The following PAWR variants were observed in gnomAD, a reference collection of about 807,000 sequenced individuals.
The protein encoded by PAWR is pro-apoptotic WT1 regulator.
In PAWR, 23 loss-of-function variants were observed where a neutral mutation model predicts 32.0. The ratio of observed to expected loss-of-function variants is 0.72; its 90% CI spans 0.52 to 1.02. PAWR has a LOEUF of 1.02. PAWR is among the 50% of genes least tolerant of loss of function. The pLI, the probability that PAWR is intolerant of heterozygous loss-of-function variation, is 0.00. For synonymous variants in PAWR, 226 were observed against 187.1 expected (o/e 1.21, Z -1.70); for missense variants, 457 against 437.7 (o/e 1.04, Z -0.39).
At position 79,588,991 on chromosome 12, in the gene PAWR, AAG is replaced by A. The variant is rs1489821368; in HGVS notation, c.*3614_*3615del. On this transcript the variant is annotated 3_prime_UTR_variant, in exon 7 of 7. Transcript: ENST00000328827. ...TGTTTTCGGCTTAATGTAACAACAA[AAG>A]AAAGTTGTCACACTACCTCTCAGAT... is the stretch of plus-strand genomic sequence containing the variant. 6.6e-6 allele frequency: 1 copy of A among 152,004 alleles called. No individual in the cohort carries two copies. Among genetic ancestry groups the A allele is most frequent in the Non-Finnish European group, 1.5e-5 (1 of 67,910 alleles). The allele number at this position is 152,004 out of a possible 1,614,324, so 9.4% of individuals were successfully genotyped here. A position where few individuals can be genotyped will look rare whatever the true frequency, so the allele number is the denominator to read the frequency against.
rs746724394 is a variant in PAWR, at chr12:79,621,223, A to T, written c.517-16T>A. On this transcript the variant is annotated splice_polypyrimidine_tract_variant and intron_variant, in intron 2 of 6. Coordinates refer to ENST00000328827, the MANE Select transcript of PAWR (RefSeq NM_002583.4). ...CATCTAAGCACTGAAAGAAAAAAAG[A>T]GTTTCCATTTTATTTCTACTATTAA... 3.8e-6 allele frequency: 6 copies of T among 1,581,208 alleles called. No individual in the cohort carries two copies. The highest frequency in any genetic ancestry group is 5.1e-6 in the Non-Finnish European group (6 of 1,167,504).
intron 2 of PAWR, among the ~76,000 whole-genome samples, chr12:79,657,892 A>C (rs1465128936): frequency 6.6e-6 from 1 of 152,214 alleles, no homozygotes; most frequent in Non-Finnish European, 1.5e-5. Context: ...GGAATGTCCA[A>C]AGAATTGGAG....
chr12:79,628,300 C>T (rs913964643), intron 2 of PAWR, among the ~76,000 whole-genome samples: 2 of 152,076 alleles, frequency 1.3e-5, no homozygotes, highest in African/African-American at 4.8e-5. Context: ...CTCTGGGACA[C>T]ATTCAAAGCA....
At chr12:79,657,898 T>A (rs1000933735) in intron 2 of PAWR, among the ~76,000 whole-genome samples, 2 of 151,898 alleles carry the variant, frequency 1.3e-5, no homozygotes, top group African/African-American at 4.8e-5. Flanking sequence ...TCCAAAGAAT[T>A]GGAGGAGAAA....
chr12:79,673,570 T>C (rs972698094), intron 2 of PAWR, among the ~76,000 whole-genome samples: 1 of 152,156 alleles, frequency 6.6e-6, no homozygotes, highest in African/African-American at 2.4e-5. Flanking sequence ...CCTCAGTGAC[T>C]CCGTTACCAG....
chr12:79,685,907 T>G (rs998889805), intron 2 of PAWR, among the ~76,000 whole-genome samples: 3 of 152,180 alleles, frequency 2.0e-5, no homozygotes, highest in African/African-American at 7.2e-5. Flanking sequence ...TACACAAAAA[T>G]GTTTAAAATA....
At position 79,588,708 on chromosome 12, in the gene PAWR, C is replaced by A. The variant is rs945680912; in HGVS notation, c.*3899G>T. The stretch of plus-strand genomic sequence containing the variant: ...GTAACACCTGTAATAGTATTTAATA[C>A]AGCTCCCACATACTATATTCCTCTC... On this transcript the variant is annotated 3_prime_UTR_variant, in exon 7 of 7. Coordinates refer to ENST00000328827, the MANE Select transcript of PAWR (RefSeq NM_002583.4). 7.2e-5 allele frequency: 11 copies of A among 152,018 alleles called. No homozygotes were observed. The highest frequency in any genetic ancestry group is 1.5e-4 in the Non-Finnish European group (10 of 67,870). The allele number at this position is 152,018 out of a possible 1,614,324, so 9.4% of individuals were successfully genotyped here. A position where few individuals can be genotyped will look rare whatever the true frequency, so the allele number is the denominator to read the frequency against.
At chr12:79,679,630 C>T (rs949910152) in intron 2 of PAWR, among the ~76,000 whole-genome samples, 9 of 152,120 alleles carry the variant, frequency 5.9e-5, no homozygotes, top group East Asian at 1.9e-4. Flanking sequence ...ATCCCTGATA[C>T]GGCAGTAGTA....
intron 2 of PAWR, among the ~76,000 whole-genome samples, chr12:79,687,618 C>T (rs962370637): frequency 3.3e-5 from 5 of 151,954 alleles, no homozygotes; most frequent in African/African-American, 1.2e-4. Context: ...ATATGTATGA[C>T]TTTTTAAAAC....
At chr12:79,650,563 A>C (rs1259045483) in intron 2 of PAWR, among the ~76,000 whole-genome samples, 1 of 152,174 alleles carries the variant, frequency 6.6e-6, no homozygotes, top group Admixed American at 6.5e-5. Context: ...TTTTCTCTGT[A>C]AAAACAGATA....
chr12:79,666,084 C>T (rs1877588231), intron 2 of PAWR, among the ~76,000 whole-genome samples: 1 of 152,064 alleles, frequency 6.6e-6, no homozygotes, highest in Non-Finnish European at 1.5e-5. Flanking sequence ...AAATAAGCAA[C>T]CTCTAAGATA....
intron 2 of PAWR, among the ~76,000 whole-genome samples, chr12:79,656,629 G>C (rs939459003): frequency 1.3e-5 from 2 of 152,122 alleles, no homozygotes. Context: ...CTAGCACACA[G>C]GTCTCAAGCT....
intron 2 of PAWR, among the ~76,000 whole-genome samples, chr12:79,664,641 C>G (rs1398673886): frequency 8.8e-6 from 1 of 113,358 alleles, no homozygotes; most frequent in Non-Finnish European, 1.7e-5. Context: ...ATTTTAAGGA[C>G]AAAGTAGACT....
At chr12:79,665,365 G>T (rs1877552868) in intron 2 of PAWR, among the ~76,000 whole-genome samples, 1 of 152,138 alleles carries the variant, frequency 6.6e-6, no homozygotes, top group Non-Finnish European at 1.5e-5. Flanking sequence ...ATTTGGTCCA[G>T]CTTCCTTCCA....
intron 2 of PAWR, among the ~76,000 whole-genome samples, chr12:79,643,435 C>A (rs1436192413): frequency 6.6e-6 from 1 of 152,076 alleles, no homozygotes; most frequent in Non-Finnish European, 1.5e-5. Flanking sequence ...AACAAAACGT[C>A]CAGGTACCCC....
chr12:79,630,718 A>AG (rs1458206174), intron 2 of PAWR, among the ~76,000 whole-genome samples: 1 of 152,148 alleles, frequency 6.6e-6, no homozygotes, highest in African/African-American at 2.4e-5. Context: ...TCTAGTAAAG[A>AG]AAGTAAAGAA....
chr12:79,599,606 AT>A (rs1565997104), intron 4 of PAWR, among the ~76,000 whole-genome samples: 1 of 152,238 alleles, frequency 6.6e-6, no homozygotes, highest in East Asian at 1.9e-4. Context: ...AAGCTGAAAA[AT>A]AAATTGTTAC....
chr12:79,617,095 C>T (rs1874775105), intron 3 of PAWR, among the ~76,000 whole-genome samples: 1 of 152,070 alleles, frequency 6.6e-6, no homozygotes, highest in African/African-American at 2.4e-5. Flanking sequence ...CGGTGGCTCA[C>T]ACCTGTAATC....
chr12:79,652,639 G>T (rs913770248), intron 2 of PAWR, among the ~76,000 whole-genome samples: 1 of 152,160 alleles, frequency 6.6e-6, no homozygotes, highest in African/African-American at 2.4e-5. Flanking sequence ...CTCCTAAAAT[G>T]TATTTAAAAA....
Sources: allele counts gnomAD v4.1 joint callset (sites outside exome capture counted in the v4.1 genomes callset), GRCh38; gene constraint gnomAD v4.1.1; transcripts MANE v1.5; gene names NCBI Gene and HGNC (gene_info 2026-07-23, HGNC 2026-07-21).